The following ZFYVE26 variants were observed in gnomAD, a reference collection of about 807,000 sequenced individuals.
The protein encoded by ZFYVE26 is zinc finger FYVE domain-containing protein 26.
A neutral mutation model predicts 276.5 loss-of-function variants in ZFYVE26; 181 were observed. The ratio of observed to expected loss-of-function variants is 0.65; its 90% CI spans 0.58 to 0.74. ZFYVE26 has a LOEUF of 0.74. Ranked by LOEUF, ZFYVE26 falls within the 30% of genes least tolerant of loss-of-function variation. The pLI is 0.00. For synonymous variants in ZFYVE26, 1,129 were observed against 1,203.1 expected (o/e 0.94, Z 1.27); for missense variants, 2,821 against 3,097.9 (o/e 0.91, Z 2.12).
chr14:67,733,782 A>C, intron 13 of ZFYVE26: 1 of 1,613,508 alleles, frequency 6.2e-7, no homozygotes, highest in South Asian at 1.1e-5. Context: ...CAAGGGCCCG[A>C]AATAACAAAA....
intron 4 of ZFYVE26, 57 bp from the exon 5 acceptor site, chr14:67,807,977 T>G: frequency 6.3e-7 from 1 of 1,593,902 alleles, no homozygotes; most frequent in Non-Finnish European, 8.6e-7. Context: ...TGGTATCACT[T>G]GTGTGCCTTC....
At chr14:67,798,950 G>GAAAC in intron 10 of ZFYVE26, 3 of 1,130,160 alleles carry the variant, frequency 2.7e-6, no homozygotes, top group Non-Finnish European at 4.0e-6. Context: ...TTTATTTCTC[G>GAAAC]CGCCGCGGTT....
intron 35 of ZFYVE26, chr14:67,760,871 C>T (rs2038911278): frequency 1.8e-5 from 4 of 220,520 alleles, no homozygotes; most frequent in South Asian, 9.5e-5. Context: ...AAAAGGAGAG[C>T]ATATTCTTCT....
intron 13 of ZFYVE26, among the ~76,000 whole-genome samples, chr14:67,737,119 A>C (rs1306578985): frequency 7.1e-6 from 1 of 140,820 alleles, no homozygotes; most frequent in Non-Finnish European, 1.5e-5. Context: ...GGTAGAGACA[A>C]GGTCTCTCTC....
At chr14:67,781,855 A>C (rs1311088664) in intron 21 of ZFYVE26, among the ~76,000 whole-genome samples, 1 of 152,180 alleles carries the variant, frequency 6.6e-6, no homozygotes, top group Admixed American at 6.5e-5. Context: ...GGCATGCTGA[A>C]CATATAGGAC....
At chr14:67,769,895 T>C (rs959820676) in intron 28 of ZFYVE26, 165 bp from the exon 29 acceptor site, 22 of 937,850 alleles carry the variant, frequency 2.3e-5, no homozygotes, top group Admixed American at 1.8e-4. Context: ...CCCTCAAAAA[T>C]TGAATGTTTA....
At position 67,779,972 on chromosome 14, in the gene ZFYVE26, C is replaced by T. The variant is rs555405547; in HGVS notation, c.4674+269G>A. Among the ~76,000 whole-genome samples the T allele has an allele frequency of 9.2e-4, 140 of 152,160 alleles. 1 individual carries two copies. The highest frequency in any genetic ancestry group is 3.2e-3 in the African/African-American group (134 of 41,526). On this transcript the variant is annotated intron_variant, in intron 23 of 41. Coordinates refer to ENST00000347230, the MANE Select transcript of ZFYVE26 (RefSeq NM_015346.4). Reference sequence around the variant, plus strand: ...CTGCAAGCTCCGCCTCCTGGGTTCACGCCATTCTCCTACCTCAGCCTCTGG... The same window carrying T: ...CTGCAAGCTCCGCCTCCTGGGTTCATGCCATTCTCCTACCTCAGCCTCTGG...
chr14:67,796,220 A>AG (rs2039948705), intron 12 of ZFYVE26: 1 of 145,842 alleles, frequency 6.9e-6, no homozygotes, highest in Non-Finnish European at 1.5e-5. Context: ...AGAAGAAAGG[A>AG]TTTTTTTTTT....
chr14:67,795,878 C>T (rs1207116411), intron 12 of ZFYVE26, among the ~76,000 whole-genome samples: 2 of 151,980 alleles, frequency 1.3e-5, no homozygotes, highest in Non-Finnish European at 2.9e-5. Flanking sequence ...AGACATTAGG[C>T]AGTTTACAGA....
rs200724619 is a variant in ZFYVE26, at chr14:67,739,744, C to T, written n.2680-9925G>A. Among the ~76,000 whole-genome samples, 7 of 152,116 alleles carry T rather than the reference C, an allele frequency of 4.6e-5. No homozygotes were observed. In the East Asian group the frequency reaches 1.3e-3, roughly 29 times the overall value. ...CCTAGCACAGAGAATCCTAATAGTC[C>T]TGGCACACCCTTACAGGTGTTCACC... On this transcript the variant is annotated intron_variant and non_coding_transcript_variant, in intron 13 of 14. Coordinates refer to the ZFYVE26 transcript ENST00000394455.
chr14:67,761,538 A>G lies in ZFYVE26; in HGVS notation c.6416T>C (p.Leu2139Pro). Residue 2139 changes from leucine to proline, a missense_variant, in exon 35 of 42, where the codon CTT becomes CCT. Leu to Pro is a moderately conservative substitution (Grantham distance 98). Coordinates refer to ENST00000347230, the MANE Select transcript of ZFYVE26 (RefSeq NM_015346.4). ...FATLRELEAT[L>P]RTQSLSLAVI... The stretch of plus-strand genomic sequence containing the variant: ...TGCCAGAGAAAGGCTCTGCGTCCGA[A>G]GGGTAGCTTCCAGTTCCCTCAGGGT... 6.2e-7 allele frequency: 1 copy of G among 1,614,226 alleles called. No homozygotes were observed. The highest frequency in any genetic ancestry group is 8.5e-7 in the Non-Finnish European group (1 of 1,180,028).
chr14:67,750,210 A>G (rs2038600195), intron 41 of ZFYVE26, among the ~76,000 whole-genome samples: 1 of 152,206 alleles, frequency 6.6e-6, no homozygotes, highest in African/African-American at 2.4e-5. Context: ...TGACATCATC[A>G]TGATGTTACA....
chr14:67,807,531 C>A lies in ZFYVE26; in HGVS notation c.753G>T (p.Gly251=). 6.2e-7 allele frequency: 1 copy of A among 1,614,188 alleles called. No homozygotes were observed. The highest frequency in any genetic ancestry group is 8.5e-7 in the Non-Finnish European group (1 of 1,180,020). Reference sequence around the variant, plus strand: ...GCAGCCGCTCCTCCCGCAGGGGACTCCCCTCGGTCCTGCAGGCCTCTAGTA... The same window carrying A: ...GCAGCCGCTCCTCCCGCAGGGGACTACCCTCGGTCCTGCAGGCCTCTAGTA... The part of the protein sequence containing the change: ...EELLEACRTE[G]SPLREERLLS... Residue 251 remains glycine (G), a synonymous_variant, in exon 5 of 42, where the codon GGG becomes GGT. Transcript: ENST00000347230.
At chr14:67,766,969 G>T (rs2039077059) in intron 31 of ZFYVE26, among the ~76,000 whole-genome samples, 1 of 152,092 alleles carries the variant, frequency 6.6e-6, no homozygotes, top group Non-Finnish European at 1.5e-5. Flanking sequence ...CTCTCAAAGT[G>T]CTGGGATTAC....
chr14:67,748,734 A>G, intron 41 of ZFYVE26, 95 bp from the exon 42 acceptor site: 1 of 1,259,026 alleles, frequency 7.9e-7, no homozygotes, highest in Non-Finnish European at 1.1e-6. Flanking sequence ...GACAGACACC[A>G]TGTCTCACCT....
At chr14:67,749,757 T>C in intron 41 of ZFYVE26, among the ~76,000 whole-genome samples, 1 of 152,220 alleles carries the variant, frequency 6.6e-6, no homozygotes, top group East Asian at 1.9e-4. Context: ...CGCTTGGGAA[T>C]CCACTTGCTG....
At chr14:67,781,704 G>C (rs2039505602) in intron 21 of ZFYVE26, among the ~76,000 whole-genome samples, 175 bp from the exon 22 acceptor site, 2 of 152,040 alleles carry the variant, frequency 1.3e-5, no homozygotes, top group African/African-American at 4.8e-5. Context: ...TATATGACAA[G>C]GAAAATGCTG....
At chr14:67,768,680 T>G (rs771194512) in intron 29 of ZFYVE26, 132 bp from the exon 30 acceptor site, 16 of 841,494 alleles carry the variant, frequency 1.9e-5, no homozygotes, top group Non-Finnish European at 3.2e-5. Context: ...AATTGTTGAA[T>G]GAAAGAGTCC....
chr14:67,762,769 C>G lies in ZFYVE26; in HGVS notation c.6062G>C (p.Arg2021Pro), dbSNP rs367758946. Residue 2021 changes from arginine (R) to proline (P), a missense_variant, in exon 33 of 42, where the codon CGC (arginine) becomes CCC (proline). Coordinates refer to ENST00000347230, the MANE Select transcript of ZFYVE26 (RefSeq NM_015346.4). ...GATCTGATCCAAAGATGGCACGTGG[C>G]GATAGGCAGCAGCAACTAAAATATT... Reference protein sequence around the residue: ...VLNILVAAAYRHVPSLDQILQ... With the variant: ...VLNILVAAAYPHVPSLDQILQ... 1 of 1,614,172 alleles carries G rather than the reference C, an allele frequency of 6.2e-7. No homozygotes were observed. Among genetic ancestry groups the G allele is most frequent in the South Asian group, 1.1e-5 (1 of 91,090 alleles).
Sources: allele counts gnomAD v4.1 joint callset (sites outside exome capture counted in the v4.1 genomes callset), GRCh38; gene constraint gnomAD v4.1.1; transcripts MANE v1.5; gene names NCBI Gene and HGNC (gene_info 2026-07-23, HGNC 2026-07-21).